The following MYBPC1 variants were observed in gnomAD, a reference collection of about 807,000 sequenced individuals.
MYBPC1 encodes myosin binding protein C1.
In MYBPC1, 52 loss-of-function variants were observed where a neutral mutation model predicts 147.1. The ratio of observed to expected loss-of-function variants is 0.35; its 90% CI spans 0.28 to 0.45. The LOEUF (loss-of-function observed/expected upper bound fraction) is 0.45. Ranked by LOEUF, MYBPC1 falls within the 20% of genes least tolerant of loss-of-function variation. The probability of loss-of-function intolerance (pLI) is 1.00; values close to 1 mark genes in which losing one functional copy is unlikely to be tolerated. For missense variants in MYBPC1, 1,228 were observed against 1,440.3 expected (o/e 0.85, Z 2.39); for synonymous variants, 477 against 475.9 (o/e 1.00, Z -0.03).
chr12:101,643,422 G>T (rs866393016), intron 11 of MYBPC1, among the ~76,000 whole-genome samples: 2 of 152,148 alleles, frequency 1.3e-5, no homozygotes, highest in African/African-American at 2.4e-5. Flanking sequence ...AGAGCCAGCT[G>T]ACATCTCTTT....
At chr12:101,599,855 A>T (rs1166329824) in intron 1 of MYBPC1, among the ~76,000 whole-genome samples, 2 of 152,084 alleles carry the variant, frequency 1.3e-5, no homozygotes, top group Non-Finnish European at 2.9e-5. Flanking sequence ...TGTGCTGGAG[A>T]TTCATGGCAT....
At chr12:101,671,331 A>T (rs73182447) in intron 24 of MYBPC1, among the ~76,000 whole-genome samples, 31,932 of 117,038 alleles carry the variant, frequency 0.27, 3,956 homozygotes, top group Middle Eastern at 0.39. Context: ...ACACACACAC[A>T]CACACACTCA....
At chr12:101,695,152 G>A in the MYBPC1 span, among the ~76,000 whole-genome samples, 1 of 152,154 alleles carries the variant, frequency 6.6e-6, no homozygotes, top group South Asian at 2.1e-4. Flanking sequence ...ACATAATTAA[G>A]TTCTGGCCAA....
At chr12:101,630,716 A>G (rs1056343234) in intron 6 of MYBPC1, among the ~76,000 whole-genome samples, 1 of 152,234 alleles carries the variant, frequency 6.6e-6, no homozygotes, top group African/African-American at 2.4e-5. Context: ...CTCAGAATTT[A>G]TAGTCTGAGA....
chr12:101,645,998 A>G (rs546618208), intron 12 of MYBPC1, among the ~76,000 whole-genome samples: 5 of 152,346 alleles, frequency 3.3e-5, no homozygotes, highest in East Asian at 1.9e-4. Context: ...AAGGAAATCT[A>G]CTATACCACT....
Position 101,684,409 on chromosome 12 carries a change from TATA to T in MYBPC1, c.*8_*10del, listed in dbSNP as rs1274871734. The T allele has an allele frequency of 6.3e-7, 1 of 1,587,644 alleles. No individual in the cohort carries two copies. Among genetic ancestry groups the T allele is most frequent in the Non-Finnish European group, 8.6e-7 (1 of 1,163,888 alleles). ...ATTGCACAATAAGGATTTTTGAATG[TATA>T]ATATCATCTAAGGTAAGCTTTCATA... is the stretch of plus-strand genomic sequence containing the variant. On this transcript the variant is annotated 3_prime_UTR_variant, in exon 31 of 32. Coordinates refer to ENST00000361466, the MANE Select transcript of MYBPC1 (RefSeq NM_002465.4).
intron 3 of MYBPC1, among the ~76,000 whole-genome samples, chr12:101,620,508 A>G (rs1264099140): frequency 6.6e-6 from 1 of 152,202 alleles, no homozygotes; most frequent in Non-Finnish European, 1.5e-5. Context: ...AGGAAGGTGG[A>G]TTTCAGTTTT....
At chr12:101,617,407 C>T (rs914966324) in intron 3 of MYBPC1, among the ~76,000 whole-genome samples, 164 bp downstream of exon 3, 11 of 152,310 alleles carry the variant, frequency 7.2e-5, no homozygotes, top group Admixed American at 5.2e-4. Context: ...ACAAATGGTG[C>T]ATTGCTAAGT....
chr12:101,678,275 G>C (rs1160344125), intron 28 of MYBPC1, 37 bp downstream of exon 28: 1 of 1,609,836 alleles, frequency 6.2e-7, no homozygotes, highest in Non-Finnish European at 8.5e-7. Flanking sequence ...TAAAGTCCCT[G>C]TCTTGTATTT....
chr12:101,670,452 ATT>A (rs753994288), intron 24 of MYBPC1, 43 bp downstream of exon 24: 3 of 1,528,958 alleles, frequency 2.0e-6, no homozygotes, highest in African/African-American at 2.7e-5. Flanking sequence ...AGAGGGCTGG[ATT>A]AGTTTAGGAA....
chr12:101,625,601 G>A (rs1888404298), intron 3 of MYBPC1, among the ~76,000 whole-genome samples: 1 of 152,150 alleles, frequency 6.6e-6, no homozygotes, highest in South Asian at 2.1e-4. Flanking sequence ...CTCCTGACTA[G>A]GTTGAGTTTT....
downstream of MYBPC1, among the ~76,000 whole-genome samples, chr12:101,689,458 G>A (rs1219883326): frequency 2.0e-5 from 3 of 152,134 alleles, no homozygotes; most frequent in Non-Finnish European, 4.4e-5. Flanking sequence ...CTCAAGGACA[G>A]GTGACTCTGA....
At chr12:101,622,048 C>T (rs945472434) in intron 3 of MYBPC1, among the ~76,000 whole-genome samples, 4 of 152,108 alleles carry the variant, frequency 2.6e-5, no homozygotes, top group African/African-American at 9.7e-5. Flanking sequence ...GGAAGATAGC[C>T]CTGCTACGCT....
downstream of MYBPC1, among the ~76,000 whole-genome samples, chr12:101,687,173 A>T (rs180762854): frequency 9.1e-4 from 138 of 152,150 alleles, 1 homozygote; most frequent in African/African-American, 3.2e-3. Flanking sequence ...TGCTGCACCC[A>T]TTAACTCATC....
At position 101,627,711 on chromosome 12, in the gene MYBPC1, C is replaced by T. The variant is rs1292027248; in HGVS notation, c.143-58C>T. The T allele has an allele frequency of 5.0e-6, 8 of 1,585,474 alleles. No individual in the cohort carries two copies. The African/African-American group carries it at 9.4e-5, about 19-fold the overall frequency. Reference sequence around the variant, plus strand: ...GAATCCAAGAAGGTTGAAGTCAGCACTCCATTTTCATCCCCTTTCCACCCC... The same window carrying T: ...GAATCCAAGAAGGTTGAAGTCAGCATTCCATTTTCATCCCCTTTCCACCCC... On this transcript the variant is annotated intron_variant, in intron 4 of 31. Transcript: ENST00000361466.
intron 22 of MYBPC1, among the ~76,000 whole-genome samples, chr12:101,664,188 A>T (rs1897054172): frequency 6.6e-6 from 1 of 152,202 alleles, no homozygotes; most frequent in South Asian, 2.1e-4. Flanking sequence ...AAGGCCATAA[A>T]TTTTTAAAAT....
chr12:101,679,142 C>A (rs1950762005), intron 28 of MYBPC1, among the ~76,000 whole-genome samples: 1 of 136,978 alleles, frequency 7.3e-6, no homozygotes, highest in South Asian at 2.6e-4. Flanking sequence ...GAAGAAGACT[C>A]CGTCTCAAAA....
chr12:101,615,828 T>G (rs10860755), intron 2 of MYBPC1, among the ~76,000 whole-genome samples: 8,223 of 152,024 alleles, frequency 0.054, 447 homozygotes, highest in East Asian at 0.26. Context: ...ACACAAAAAC[T>G]TATGAGGCAA....
At chr12:101,617,381 C>T (rs1179108637) in intron 3 of MYBPC1, 138 bp downstream of exon 3, 1 of 857,740 alleles carries the variant, frequency 1.2e-6, no homozygotes, top group African/African-American at 1.7e-5. Context: ...ATCTGCAAGT[C>T]CCAATCAGTA....
Sources: allele counts gnomAD v4.1 joint callset (sites outside exome capture counted in the v4.1 genomes callset), GRCh38; gene constraint gnomAD v4.1.1; transcripts MANE v1.5; gene names NCBI Gene and HGNC (gene_info 2026-07-23, HGNC 2026-07-21).